The following TSHZ3 variants were observed in gnomAD, a reference collection of about 807,000 sequenced individuals.
The protein encoded by TSHZ3 is teashirt homolog 3.
In TSHZ3, 10 loss-of-function variants were observed where a neutral mutation model predicts 64.5. The ratio of observed to expected loss-of-function variants is 0.16; its 90% CI spans 0.10 to 0.26. The LOEUF (loss-of-function observed/expected upper bound fraction) is 0.26. Ranked by LOEUF, TSHZ3 falls within the 10% of genes least tolerant of loss-of-function variation. TSHZ3 has a pLI of 1.00. For synonymous variants in TSHZ3, 608 were observed against 593.1 expected (o/e 1.03, Z -0.36); for missense variants, 1,242 against 1,421.7 (o/e 0.87, Z 2.03).
intron 4 of TSHZ3, among the ~76,000 whole-genome samples, chr19:31,213,849 T>A (rs1052604817): frequency 7.2e-5 from 11 of 152,238 alleles, no homozygotes; most frequent in African/African-American, 2.7e-4. Context: ...AAGTCTACAC[T>A]CTTTCTTCTG....
At chr19:31,209,359 C>T (rs924705334) in intron 4 of TSHZ3, among the ~76,000 whole-genome samples, 1 of 152,128 alleles carries the variant, frequency 6.6e-6, no homozygotes, top group Non-Finnish European at 1.5e-5. Context: ...TTTGCTGGGT[C>T]CCCTGCTAGG....
chr19:31,347,639 G>C (rs996385692), intron 1 of TSHZ3, among the ~76,000 whole-genome samples: 1 of 152,084 alleles, frequency 6.6e-6, no homozygotes, highest in African/African-American at 2.4e-5. Context: ...CTAGGGAGGC[G>C]GCAAGCTCCC....
intron 5 of TSHZ3, among the ~76,000 whole-genome samples, chr19:31,203,624 C>T (rs1975119463): frequency 1.3e-5 from 2 of 152,084 alleles, no homozygotes; most frequent in South Asian, 4.1e-4. Context: ...GGTCACACCA[C>T]ACAGACCCAG....
chr19:31,260,595 G>C lies in TSHZ3; in HGVS notation n.64-17720C>G, dbSNP rs186590715. Among the ~76,000 whole-genome samples, 85 of 152,256 alleles carry C rather than the reference G, an allele frequency of 5.6e-4. 1 individual carries two copies. The highest frequency in any genetic ancestry group is 4.9e-3 in the Admixed American group (75 of 15,296). On this transcript the variant is annotated intron_variant and non_coding_transcript_variant, in intron 1 of 6. Transcript: ENST00000651361. ...CTCATTTCCAGGTAGTCTTTTTCCAGGAAAAATATGAAGCTCCTTAGTGAG... is the reference window on the plus strand; with the variant it reads ...CTCATTTCCAGGTAGTCTTTTTCCACGAAAAATATGAAGCTCCTTAGTGAG...
intron 1 of TSHZ3, among the ~76,000 whole-genome samples, chr19:31,318,391 T>A (rs1599645246): frequency 1.3e-5 from 2 of 152,214 alleles, no homozygotes; most frequent in South Asian, 4.1e-4. Context: ...TTTTATTTTT[T>A]AATTATTTTT....
intron 1 of TSHZ3, among the ~76,000 whole-genome samples, chr19:31,333,145 T>TC (rs1330865556): frequency 1.6e-4 from 24 of 150,488 alleles, no homozygotes; most frequent in African/African-American, 5.4e-4. Context: ...AATAAATAAA[T>TC]AAATAAATCC....
At chr19:31,175,213 C>G (rs1399467531) in intron 5 of TSHZ3, among the ~76,000 whole-genome samples, 1 of 152,168 alleles carries the variant, frequency 6.6e-6, no homozygotes, top group African/African-American at 2.4e-5. Flanking sequence ...AGCCAGCCAG[C>G]CCTCGGCCGG....
At chr19:31,205,662 C>G (rs1273507061) in intron 4 of TSHZ3, among the ~76,000 whole-genome samples, 7 of 152,218 alleles carry the variant, frequency 4.6e-5, no homozygotes, top group African/African-American at 1.4e-4. Context: ...CACTGCCATT[C>G]CAAAGAGAGG....
intron 1 of TSHZ3, among the ~76,000 whole-genome samples, chr19:31,257,896 G>A (rs1228425174): frequency 6.6e-6 from 1 of 152,218 alleles, no homozygotes; most frequent in African/African-American, 2.4e-5. Context: ...CCAGCTGTCT[G>A]ACATGGGTCT....
intron 1 of TSHZ3, among the ~76,000 whole-genome samples, chr19:31,254,058 A>T (rs1039702984): frequency 9.9e-5 from 15 of 152,204 alleles, no homozygotes; most frequent in African/African-American, 3.6e-4. Flanking sequence ...GCTCACAGAC[A>T]ACCTCCCATA....
chr19:31,329,269 G>C (rs958009742), intron 1 of TSHZ3, among the ~76,000 whole-genome samples: 4 of 152,188 alleles, frequency 2.6e-5, no homozygotes, highest in African/African-American at 9.7e-5. Context: ...CCCAAGCTCC[G>C]AGCAAGAAAT....
intron 3 of TSHZ3, among the ~76,000 whole-genome samples, chr19:31,235,671 T>C (rs1975603665): frequency 6.7e-6 from 1 of 149,650 alleles, no homozygotes; most frequent in Non-Finnish European, 1.5e-5. Context: ...TATTTCTTTC[T>C]TCTTTCTTTC....
chr19:31,158,145 C>A (rs1180240210), intron 5 of TSHZ3, among the ~76,000 whole-genome samples: 4 of 152,200 alleles, frequency 2.6e-5, no homozygotes, highest in Non-Finnish European at 5.9e-5. Context: ...TGAGATTTAT[C>A]TAAGTCTGTG....
At chr19:31,350,790 A>G (rs2021699027), upstream of TSHZ3, among the ~76,000 whole-genome samples, 1 of 146,696 alleles carries the variant, frequency 6.8e-6, no homozygotes, top group Non-Finnish European at 1.5e-5. Flanking sequence ...GCTGAGCGGG[A>G]GCCGGAGCCC....
intron 1 of TSHZ3, among the ~76,000 whole-genome samples, chr19:31,266,567 T>G (rs750803046): frequency 6.6e-6 from 1 of 152,022 alleles, no homozygotes; most frequent in Non-Finnish European, 1.5e-5. Flanking sequence ...ACACGACCCT[T>G]TTCATCCCAG....
Position 31,276,745 on chromosome 19 carries a change from A to T in TSHZ3, c.3048T>A (p.Ser1016Arg). Residue 1016 changes from serine (S) to arginine (R), a missense_variant, in exon 2 of 2, where the codon AGT becomes AGA. This residue lies in a region of TSHZ3 where 126 missense variants were observed against 140.6 expected (regional missense o/e 0.90). Transcript: ENST00000240587. ...LSKLSTEQIN[S>R]QIAQTKSPSE... ...ACGGTGACTTGGTTTGTGCTATCTG[A>T]CTGTTAATCTGTTCGGTGGACAGTT... The T allele has an allele frequency of 6.2e-7, 1 of 1,613,252 alleles. No homozygotes were observed. The highest frequency in any genetic ancestry group is 8.5e-7 in the Non-Finnish European group (1 of 1,179,302).
chr19:31,266,597 G>A (rs1329848407), intron 1 of TSHZ3, among the ~76,000 whole-genome samples: 2 of 151,938 alleles, frequency 1.3e-5, no homozygotes, highest in Non-Finnish European at 2.9e-5. Context: ...CTAAACACAC[G>A]ACTTGAACCT....
At chr19:31,273,219 G>A (rs370473583), downstream of TSHZ3, among the ~76,000 whole-genome samples, 30 of 152,268 alleles carry the variant, frequency 2.0e-4, no homozygotes, top group East Asian at 1.2e-3. Context: ...ATTGTGCCAC[G>A]TGAGGTTTGC....
intron 5 of TSHZ3, among the ~76,000 whole-genome samples, chr19:31,181,762 G>C (rs1389080857): frequency 6.6e-6 from 1 of 152,122 alleles, no homozygotes; most frequent in East Asian, 1.9e-4. Context: ...GTGGCCTTCT[G>C]CTTTTTTTTG....
Sources: gnomAD v4.1 joint callset for allele counts (sites outside exome capture counted in the v4.1 genomes callset) on GRCh38, gnomAD v4.1.1 for gene constraint, gnomAD v4.1.1 regional missense constraint, MANE v1.5 for transcripts, NCBI Gene and HGNC (gene_info 2026-07-23, HGNC 2026-07-21) for gene names.